Variants in ZNF787 observed in about 807,000 individuals in gnomAD.
ZNF787 encodes the protein TTF-I-interacting peptide 20.
Under a neutral mutation model 16.9 loss-of-function variants are expected in ZNF787, and 7 were observed. The ratio of observed to expected loss-of-function variants is 0.42; its 90% CI spans 0.24 to 0.78. The LOEUF (loss-of-function observed/expected upper bound fraction) is 0.78. Among genes scored for constraint, ZNF787 ranks in the 30% least tolerant of loss-of-function variants. The pLI, the probability that ZNF787 is intolerant of heterozygous loss-of-function variation, is 0.30. For missense variants in ZNF787, 551 were observed against 589.3 expected (o/e 0.94, Z 0.67); for synonymous variants, 345 against 270.9 (o/e 1.27, Z -2.69).
chr19:56,107,490 G>T (rs374027199), intron 1 of ZNF787, among the ~76,000 whole-genome samples: 1,582 of 116,192 alleles, frequency 0.014, 18 homozygotes, highest in South Asian at 0.05. Context: ...GGGGTCACCG[G>T]GAGACACGGG....
chr19:56,095,423 G>GT (rs902708698), intron 2 of ZNF787, among the ~76,000 whole-genome samples: 1 of 151,944 alleles, frequency 6.6e-6, no homozygotes, highest in African/African-American at 2.4e-5. Flanking sequence ...TTTTGGGAAG[G>GT]TTGAACTCAG....
chr19:56,096,719 T>G (rs1402001763), intron 2 of ZNF787, among the ~76,000 whole-genome samples: 1 of 151,424 alleles, frequency 6.6e-6, no homozygotes, highest in African/African-American at 2.4e-5. Flanking sequence ...TCTCAGAAAA[T>G]AAATAAATAA....
At position 56,088,125 on chromosome 19, in the gene ZNF787, G is replaced by A. The variant is rs779318709; in HGVS notation, c.1047C>T (p.Ser349=). 4 of 1,549,104 alleles carry A rather than the reference G, an allele frequency of 2.6e-6. 1 individual carries two copies. The highest frequency in any genetic ancestry group is 3.7e-5 in the Admixed American group (2 of 54,288). The change falls in exon 3 of 3, where the codon AGC becomes AGT. Residue 349 remains serine, a synonymous_variant. Transcript: ENST00000610935. The surrounding 1 kb of genome is among the most constrained non-coding windows in gnomAD (Gnocchi z 8.6). The stretch of plus-strand genomic sequence containing the variant: ...CCGCGCGGTAGTAGCTCTGTCCGCA[G>A]CTGCTGCAGACCGAGGGCGCGCCCA... The part of the protein sequence containing the change: ...HAVGAPSVCS[S]CGQSYYRAGG...
chr19:56,088,517 G>T lies in ZNF787; in HGVS notation c.655C>A (p.Arg219=). The change falls in exon 3 of 3, where the codon CGG becomes AGG. Residue 219 remains arginine (R), a synonymous_variant. Transcript: ENST00000610935. This position sits in a 1 kb window ranked among gnomAD's most constrained non-coding sequence, Gnocchi z 8.6. ...ACCGCCTCTTCGGGCCCCTTGGCCC[G>T]CCGGACGCTAGCCGCCAGCACCTTG... ...AAKVLAASVR[R]AKGPEEAVAA... 7.0e-7 allele frequency: 1 copy of T among 1,425,882 alleles called. No homozygotes were observed. The highest frequency in any genetic ancestry group is 1.4e-5 in the South Asian group (1 of 71,960). The allele number at this position is 1,425,882 out of a possible 1,614,324, so 88.3% of individuals were successfully genotyped here. A position where few individuals can be genotyped will look rare whatever the true frequency, so the allele number is the denominator to read the frequency against.
rs576719490 is a variant in ZNF787 at position 56,087,705 on chromosome 19, A to C, written c.*318T>G. The stretch of plus-strand genomic sequence containing the variant: ...CCGGACAACTGAGGAAGAGCAGGGA[A>C]AATGGCCTTCCGCTTGGGGCCTGGT... On this transcript the variant is annotated 3_prime_UTR_variant, in exon 3 of 3. Transcript: ENST00000610935. The C allele has an allele frequency of 1.0e-4, 19 of 189,820 alleles. No individual in the cohort carries two copies. Among genetic ancestry groups the C allele is most frequent in the East Asian group, 8.4e-4 (6 of 7,132 alleles). The allele number at this position is 189,820 out of a possible 1,614,324, so 11.8% of individuals were successfully genotyped here.
At chr19:56,093,351 G>A (rs1316417140) in intron 2 of ZNF787, among the ~76,000 whole-genome samples, 1 of 152,110 alleles carries the variant, frequency 6.6e-6, no homozygotes, top group Non-Finnish European at 1.5e-5. Flanking sequence ...GGAGATGGCG[G>A]AACTGGGATG....
intron 2 of ZNF787, among the ~76,000 whole-genome samples, chr19:56,098,874 G>A (rs1454973344): frequency 6.1e-5 from 9 of 148,668 alleles, no homozygotes; most frequent in East Asian, 5.8e-4. Flanking sequence ...CGGGTGATAC[G>A]GCCGCAGGGT....
intron 2 of ZNF787, among the ~76,000 whole-genome samples, chr19:56,096,151 T>C (rs1042339535): frequency 2.6e-4 from 40 of 151,730 alleles, no homozygotes; most frequent in African/African-American, 9.0e-4. Flanking sequence ...CCCAACTACT[T>C]AGGAGGCCAA....
intron 1 of ZNF787, among the ~76,000 whole-genome samples, chr19:56,110,805 C>A (rs2029957879): frequency 6.6e-6 from 1 of 152,232 alleles, no homozygotes; most frequent in South Asian, 2.1e-4. Context: ...CACACCCCTC[C>A]TCTCCACCGC....
At chr19:56,106,041 G>A (rs1218891868) in intron 1 of ZNF787, among the ~76,000 whole-genome samples, 2 of 142,706 alleles carry the variant, frequency 1.4e-5, no homozygotes, top group Non-Finnish European at 3.0e-5. Flanking sequence ...CCGCGCCCAC[G>A]GCAGTCACCG....
intron 1 of ZNF787, among the ~76,000 whole-genome samples, chr19:56,120,438 C>T (rs995073849): frequency 1.3e-5 from 2 of 152,208 alleles, no homozygotes; most frequent in African/African-American, 4.8e-5. Context: ...CGCCCTGCCC[C>T]GTGGGCCACG....
intron 1 of ZNF787, among the ~76,000 whole-genome samples, chr19:56,106,068 C>T (rs1257972733): frequency 2.0e-5 from 3 of 149,938 alleles, no homozygotes; most frequent in South Asian, 2.1e-4. Context: ...CCGCCCTCCG[C>T]GCCCACGGCA....
chr19:56,117,892 C>T (rs1365431282), intron 1 of ZNF787, among the ~76,000 whole-genome samples: 1 of 152,226 alleles, frequency 6.6e-6, no homozygotes, highest in African/African-American at 2.4e-5. Context: ...GGTCCCAACA[C>T]TATCCACTGC....
At chr19:56,091,248 C>G (rs894693564) in intron 2 of ZNF787, among the ~76,000 whole-genome samples, 1 of 152,218 alleles carries the variant, frequency 6.6e-6, no homozygotes, top group South Asian at 2.1e-4. Context: ...CTGAACCTTA[C>G]AAGTGCTTCT....
chr19:56,090,690 C>T (rs1256200253), intron 2 of ZNF787, among the ~76,000 whole-genome samples: 1 of 152,148 alleles, frequency 6.6e-6, no homozygotes, highest in Non-Finnish European at 1.5e-5. Context: ...GGCGTGGTGG[C>T]GCATGCCTGT....
intron 2 of ZNF787, 170 bp downstream of exon 2, chr19:56,102,969 T>A (rs1250369681): frequency 1.3e-6 from 1 of 743,200 alleles, no homozygotes; most frequent in Non-Finnish European, 2.4e-6. Context: ...GCCCTCCCTC[T>A]ACAGCCAGGA....
chr19:56,111,262 G>C (rs774520690), intron 1 of ZNF787, among the ~76,000 whole-genome samples: 4 of 152,176 alleles, frequency 2.6e-5, no homozygotes, highest in African/African-American at 4.8e-5. Flanking sequence ...CGCCAGGAGG[G>C]AGGGGCAGGC....
chr19:56,107,268 C>G (rs1221984720), intron 1 of ZNF787, among the ~76,000 whole-genome samples: 1 of 152,174 alleles, frequency 6.6e-6, no homozygotes, highest in Non-Finnish European at 1.5e-5. Flanking sequence ...AGTACAGAAA[C>G]AGTTCACACA....
intron 1 of ZNF787, among the ~76,000 whole-genome samples, chr19:56,106,760 C>T (rs12973299): frequency 0.017 from 2,283 of 134,140 alleles, 57 homozygotes; most frequent in African/African-American, 0.062. Context: ...CATTCCAGGC[C>T]GGGGTCTGCA....
Sources: gnomAD v4.1 joint callset for allele counts (sites outside exome capture counted in the v4.1 genomes callset) on GRCh38, gnomAD v4.1.1 for gene constraint, Gnocchi (gnomAD v3.1) non-coding constraint, MANE v1.5 for transcripts, NCBI Gene and HGNC (gene_info 2026-07-23, HGNC 2026-07-21) for gene names.